DLC1: variants seen among roughly 807,000 people sequenced by gnomAD.
The protein encoded by DLC1 is DLC1 Rho GTPase activating protein.
DLC1 carries 54 observed loss-of-function variants against 140.3 expected under a neutral mutation model. That is an observed-to-expected ratio of 0.38 (90% CI 0.31 to 0.48). The LOEUF (loss-of-function observed/expected upper bound fraction) is 0.48, where lower values mean the gene tolerates loss of function less well. Among genes scored for constraint, DLC1 ranks in the 20% least tolerant of loss-of-function variants. DLC1 has a pLI of 0.96. For synonymous variants in DLC1, 986 were observed against 728.1 expected, an observed-to-expected ratio of 1.35 and a Z score of -5.70; for missense variants, 2,536 against 1,907.0, an observed-to-expected ratio of 1.33 and a Z score of -6.14.
chr8:13,439,989 G>T (rs370128019), intron 2 of DLC1, among the ~76,000 whole-genome samples: 1 of 152,106 alleles, frequency 6.6e-6, no homozygotes, highest in African/African-American at 2.4e-5. Context: ...ATAGTTAAGT[G>T]TTCCTCAAAG....
chr8:13,116,514 C>G (rs1033799583), intron 5 of DLC1, among the ~76,000 whole-genome samples: 1 of 152,180 alleles, frequency 6.6e-6, no homozygotes, highest in Non-Finnish European at 1.5e-5. Context: ...CTCAGTTACA[C>G]AAGTCTGTTC....
chr8:13,489,511 C>T (rs1247170775), intron 2 of DLC1, among the ~76,000 whole-genome samples: 2 of 150,924 alleles, frequency 1.3e-5, no homozygotes, highest in Non-Finnish European at 2.9e-5. Flanking sequence ...TACACAGACA[C>T]TTTTAACTAC....
intron 2 of DLC1, among the ~76,000 whole-genome samples, chr8:13,410,470 A>T (rs935542876): frequency 6.6e-6 from 1 of 152,140 alleles, no homozygotes; most frequent in Non-Finnish European, 1.5e-5. Context: ...TAATACGAAA[A>T]TCTGATAATT....
chr8:13,458,787 T>TA (rs1247633112), intron 2 of DLC1, among the ~76,000 whole-genome samples: 1 of 150,988 alleles, frequency 6.6e-6, no homozygotes, highest in Non-Finnish European at 1.5e-5. Context: ...ATGTGTAATA[T>TA]AAAATAATCT....
chr8:13,412,062 T>C (rs1563325397), intron 2 of DLC1, among the ~76,000 whole-genome samples: 1 of 152,164 alleles, frequency 6.6e-6, no homozygotes, highest in Non-Finnish European at 1.5e-5. Context: ...TAAAATACAA[T>C]TATAGACTGG....
intron 5 of DLC1, among the ~76,000 whole-genome samples, chr8:13,197,450 G>A (rs994710508): frequency 1.3e-5 from 2 of 151,762 alleles, no homozygotes; most frequent in African/African-American, 4.8e-5. Flanking sequence ...CCAGGTTCAC[G>A]CCATTCTCCT....
intron 5 of DLC1, among the ~76,000 whole-genome samples, chr8:13,298,465 T>A (rs1832050351): frequency 6.6e-6 from 1 of 152,250 alleles, no homozygotes; most frequent in African/African-American, 2.4e-5. Flanking sequence ...TTTTTATAAT[T>A]ACAATTTCTT....
chr8:13,590,432 A>G (rs543499850), intron 1 of DLC1, among the ~76,000 whole-genome samples: 4 of 152,198 alleles, frequency 2.6e-5, no homozygotes, highest in South Asian at 2.1e-4. Flanking sequence ...CAATATTCTC[A>G]TAATTACAGT....
chr8:13,232,812 C>G (rs922790417), intron 5 of DLC1, among the ~76,000 whole-genome samples: 3 of 152,156 alleles, frequency 2.0e-5, no homozygotes, highest in African/African-American at 7.2e-5. Flanking sequence ...ATCCTATAGT[C>G]TCAGATGAGT....
chr8:13,090,398 G>C lies in DLC1; in HGVS notation c.3928C>G (p.Leu1310Val), dbSNP rs143071249. The C allele has an allele frequency of 6.8e-6, 11 of 1,614,100 alleles. No homozygotes were observed. In the Admixed American group the frequency reaches 1.5e-4, roughly 22 times the overall value. ...QELKPLTLEA[L>V]GHLGNDDSAD... ...GAGTCATCATTACCCAGGTGCCCGA[G>C]TGCTTCCAGAGTGAGGGGCTTCAGC... Residue 1310 changes from leucine to valine, a missense_variant, in exon 15 of 18, where the codon CTC (leucine) becomes GTC (valine). Physicochemically the swap from Leu to Val is conservative, Grantham distance 32. Coordinates refer to ENST00000276297, the MANE Select transcript of DLC1 (RefSeq NM_182643.3).
At chr8:13,488,026 C>T (rs1203068012) in intron 2 of DLC1, among the ~76,000 whole-genome samples, 4 of 152,144 alleles carry the variant, frequency 2.6e-5, no homozygotes, top group Non-Finnish European at 5.9e-5. Context: ...TCTAATTATG[C>T]CTAAGGCCAG....
intron 2 of DLC1, among the ~76,000 whole-genome samples, chr8:13,492,376 C>T (rs971241863): frequency 1.1e-4 from 16 of 152,082 alleles, no homozygotes; most frequent in African/African-American, 3.6e-4. Context: ...GAATCTGATT[C>T]CAGCCTGCTA....
intron 5 of DLC1, among the ~76,000 whole-genome samples, chr8:13,204,490 C>A (rs974565466): frequency 6.6e-6 from 1 of 152,116 alleles, no homozygotes; most frequent in African/African-American, 2.4e-5. Flanking sequence ...TTTAAAAAAT[C>A]TTTTTATCTA....
At chr8:13,298,529 G>A (rs765997584) in intron 5 of DLC1, among the ~76,000 whole-genome samples, 6 of 152,104 alleles carry the variant, frequency 3.9e-5, no homozygotes, top group Non-Finnish European at 8.8e-5. Flanking sequence ...TTTAATTGCA[G>A]GACACACAAA....
At chr8:13,282,891 G>A (rs1260771941) in intron 5 of DLC1, among the ~76,000 whole-genome samples, 1 of 152,072 alleles carries the variant, frequency 6.6e-6, no homozygotes. Context: ...TTCCTTCTGA[G>A]GAAAAACCCA....
Position 13,152,135 on chromosome 8 carries a change from A to T in DLC1, c.1349-36478T>A, listed in dbSNP as rs529421847. ...AGTGCACAACTGTACTTGTAAGTTT[A>T]GGCATGCTTTGTGGGGCACAGGTTG... On this transcript the variant is annotated intron_variant, in intron 5 of 17. Coordinates refer to ENST00000276297, the MANE Select transcript of DLC1 (RefSeq NM_182643.3). Among the ~76,000 whole-genome samples the T allele has an allele frequency of 2.0e-5, 3 of 152,330 alleles. No homozygotes were observed. The South Asian group carries it at 6.2e-4, about 32-fold the overall frequency.
chr8:13,443,508 A>T (rs536612131), intron 2 of DLC1, among the ~76,000 whole-genome samples: 1 of 151,966 alleles, frequency 6.6e-6, no homozygotes, highest in African/African-American at 2.4e-5. Flanking sequence ...ATATACAAAA[A>T]ATTAGCCGGG....
intron 1 of DLC1, among the ~76,000 whole-genome samples, chr8:13,503,021 C>A (rs1801888946): frequency 6.6e-6 from 1 of 152,184 alleles, no homozygotes; most frequent in Non-Finnish European, 1.5e-5. Context: ...GATATTCGTG[C>A]ATGATTTTGA....
intron 3 of DLC1, among the ~76,000 whole-genome samples, chr8:13,398,370 G>C (rs770691392): frequency 6.6e-6 from 1 of 152,016 alleles, no homozygotes; most frequent in Non-Finnish European, 1.5e-5. Context: ...AGGTGGTGGA[G>C]AAAATACAGA....
Sources: allele counts gnomAD v4.1 joint callset (sites outside exome capture counted in the v4.1 genomes callset), GRCh38; gene constraint gnomAD v4.1.1; transcripts MANE v1.5; gene names NCBI Gene and HGNC (gene_info 2026-07-23, HGNC 2026-07-21).